Variants in SPATS2 observed in about 807,000 individuals in gnomAD.
The protein encoded by SPATS2 is spermatogenesis associated serine rich 2.
In SPATS2, 38 loss-of-function variants were observed where a neutral mutation model predicts 63.7. The ratio of observed to expected loss-of-function variants is 0.60; its 90% CI spans 0.46 to 0.78. The LOEUF is 0.78. Ranked by LOEUF, SPATS2 falls within the 30% of genes least tolerant of loss-of-function variation. The probability of loss-of-function intolerance (pLI) is 0.00; values close to 1 mark genes in which losing one functional copy is unlikely to be tolerated. For synonymous variants in SPATS2, 207 were observed against 232.9 expected (o/e 0.89, Z 1.01); for missense variants, 588 against 666.2 (o/e 0.88, Z 1.29).
intron 10 of SPATS2, among the ~76,000 whole-genome samples, chr12:49,518,093 C>T (rs557548364): frequency 2.6e-5 from 4 of 152,266 alleles, no homozygotes; most frequent in African/African-American, 4.8e-5. Context: ...AGGATGGGGT[C>T]TCATAAATTA....
intron 2 of SPATS2, among the ~76,000 whole-genome samples, chr12:49,428,892 G>A (rs1405480893): frequency 6.6e-6 from 1 of 152,114 alleles, no homozygotes; most frequent in Non-Finnish European, 1.5e-5. Context: ...TGTGTAAGGG[G>A]GTGGTAATAA....
chr12:49,474,879 G>A (rs1328380063), intron 3 of SPATS2, among the ~76,000 whole-genome samples: 1 of 152,170 alleles, frequency 6.6e-6, no homozygotes, highest in Non-Finnish European at 1.5e-5. Flanking sequence ...ACGTGACTGG[G>A]GAGGCCTCAC....
chr12:49,457,471 T>C (rs1304012011), intron 2 of SPATS2, among the ~76,000 whole-genome samples: 5 of 152,040 alleles, frequency 3.3e-5, no homozygotes, highest in Non-Finnish European at 5.9e-5. Flanking sequence ...TTTGCTCTTG[T>C]TGCCCAGGCT....
intron 4 of SPATS2, 34 bp from the exon 5 acceptor site, chr12:49,489,431 T>A: frequency 6.4e-7 from 1 of 1,570,348 alleles, no homozygotes; most frequent in Non-Finnish European, 8.8e-7. Context: ...GACCTACTAA[T>A]GTTAGAATTA....
chr12:49,411,900 C>T (rs1297439771), intron 2 of SPATS2, among the ~76,000 whole-genome samples: 1 of 152,136 alleles, frequency 6.6e-6, no homozygotes, highest in Non-Finnish European at 1.5e-5. Flanking sequence ...TTGGGCTTAA[C>T]CATGTTTATA....
intron 3 of SPATS2, among the ~76,000 whole-genome samples, chr12:49,481,682 C>G (rs938282616): frequency 2.0e-5 from 3 of 151,708 alleles, no homozygotes; most frequent in African/African-American, 7.3e-5. Flanking sequence ...TTGCTGATCT[C>G]GAACTCCTTA....
chr12:49,398,157 A>G (rs1290090407), intron 2 of SPATS2, among the ~76,000 whole-genome samples: 2 of 147,560 alleles, frequency 1.4e-5, no homozygotes, highest in Non-Finnish European at 3.0e-5. Flanking sequence ...AAAAAAAAAA[A>G]AAAGAAAAGA....
chr12:49,460,896 TGC>T lies in SPATS2; in HGVS notation c.-116_-115del. 9.3e-7 allele frequency: 1 copy of T among 1,072,750 alleles called. No individual in the cohort carries two copies. The highest frequency in any genetic ancestry group is 1.4e-6 in the Non-Finnish European group (1 of 729,744). The allele number at this position is 1,072,750 out of a possible 1,614,324, so 66.5% of individuals were successfully genotyped here. On this transcript the variant is annotated 5_prime_UTR_variant, in exon 3 of 14. It introduces an in-frame stop codon into an upstream open reading frame of the 5' UTR. Coordinates refer to ENST00000552918, the MANE Select transcript of SPATS2 (RefSeq NM_023071.4). ...TCGAACAGCAGGATTTCGTATTTTTTGCTTCCAACTGCACACTTCCGTTGCCC... is the reference window on the plus strand; with the variant it reads ...TCGAACAGCAGGATTTCGTATTTTTTTTCCAACTGCACACTTCCGTTGCCC...
At chr12:49,376,003 T>C (rs1242055178) in intron 2 of SPATS2, among the ~76,000 whole-genome samples, 1 of 151,274 alleles carries the variant, frequency 6.6e-6, no homozygotes, top group Non-Finnish European at 1.5e-5. Context: ...GGGTCCAGGC[T>C]GGTCTCAAAC....
In SPATS2 at chr12:49,526,144, G is replaced by A. The variant is rs949989981; in HGVS notation, c.1527G>A (p.Gly509=). The change falls in exon 14 of 14, where the codon GGG becomes GGA. Residue 509 remains glycine, a synonymous_variant. Transcript: ENST00000552918. ...AAAGAGGCCAGACTCACTCTGCAGGGACCAATGGAACTGGAGTCAGCATGG... is the reference window on the plus strand; with the variant it reads ...AAAGAGGCCAGACTCACTCTGCAGGAACCAATGGAACTGGAGTCAGCATGG... ...TIERGQTHSA[G]TNGTGVSMEP... The A allele has an allele frequency of 4.3e-6, 7 of 1,614,180 alleles. No homozygotes were observed. Among genetic ancestry groups the A allele is most frequent in the South Asian group, 3.3e-5 (3 of 91,084 alleles).
chr12:49,372,991 T>A lies in SPATS2; in HGVS notation c.-244+1701T>A, dbSNP rs796770007. ...GTGTGTGTGTGTGTGTGTGTGTGTG[T>A]GATGGAGTTTTGCTTTTGTCGCCCA... On this transcript the variant is annotated intron_variant, in intron 2 of 13. Coordinates refer to ENST00000552918, the MANE Select transcript of SPATS2 (RefSeq NM_023071.4). Among the ~76,000 whole-genome samples, 530 of 124,884 alleles carry A rather than the reference T, an allele frequency of 4.2e-3. 3 individuals are homozygous for A. Among genetic ancestry groups the A allele is most frequent in the African/African-American group, 7.9e-3 (238 of 30,274 alleles). The allele number at this position is 124,884 out of a possible 152,430, so 81.9% of individuals were successfully genotyped here.
chr12:49,450,491 G>A (rs943099461), intron 2 of SPATS2, among the ~76,000 whole-genome samples: 1 of 151,874 alleles, frequency 6.6e-6, no homozygotes. Flanking sequence ...TGATCCGCCC[G>A]CCTCGGCCTC....
chr12:49,424,281 C>T (rs1945034858), intron 2 of SPATS2, among the ~76,000 whole-genome samples: 1 of 152,130 alleles, frequency 6.6e-6, no homozygotes. Context: ...GACCTTTGTT[C>T]CTCAGCCCCA....
chr12:49,389,948 T>C (rs1485191894), intron 2 of SPATS2: 6 of 803,428 alleles, frequency 7.5e-6, no homozygotes, highest in Admixed American at 3.4e-5. Context: ...AAATGAAATA[T>C]GGCAGCAGTA....
chr12:49,475,009 A>G (rs148281994), intron 3 of SPATS2, among the ~76,000 whole-genome samples: 1 of 152,322 alleles, frequency 6.6e-6, no homozygotes, highest in African/African-American at 2.4e-5. Flanking sequence ...TCACTGTCAC[A>G]AGAGCAGCAC....
intron 2 of SPATS2, among the ~76,000 whole-genome samples, chr12:49,418,706 G>A (rs571785959): frequency 2.2e-4 from 34 of 152,230 alleles, no homozygotes; most frequent in African/African-American, 7.5e-4. Context: ...CTCCCAAAGC[G>A]TTGGGATTAC....
At chr12:49,424,150 C>T (rs1945031707) in intron 2 of SPATS2, among the ~76,000 whole-genome samples, 1 of 152,152 alleles carries the variant, frequency 6.6e-6, no homozygotes, top group Non-Finnish European at 1.5e-5. Flanking sequence ...TTGCAGTGAG[C>T]TGAGATCCTG....
In SPATS2 at chr12:49,418,934, C is replaced by G. The variant is rs571452088; in HGVS notation, c.-243-41836C>G. Among the ~76,000 whole-genome samples the G allele has an allele frequency of 1.1e-3, 170 of 152,282 alleles. 2 individuals are homozygous for G. The South Asian group carries it at 0.018, about 16-fold the overall frequency. On this transcript the variant is annotated intron_variant, in intron 2 of 13. Coordinates refer to ENST00000552918, the MANE Select transcript of SPATS2 (RefSeq NM_023071.4). ...TCTTGAACTAGTGTAAATCAGAAGA[C>G]TTCACTACAGTTCCTTAACTTCAGT... is the stretch of plus-strand genomic sequence containing the variant.
At chr12:49,397,303 A>C (rs1157131345) in intron 2 of SPATS2, among the ~76,000 whole-genome samples, 2 of 152,146 alleles carry the variant, frequency 1.3e-5, no homozygotes, top group Non-Finnish European at 2.9e-5. Context: ...ATTAGAATGT[A>C]AACTGTCTGA....
Sources: gnomAD v4.1 joint callset for allele counts (sites outside exome capture counted in the v4.1 genomes callset) on GRCh38, gnomAD v4.1.1 for gene constraint, MANE v1.5 for transcripts, NCBI Gene and HGNC (gene_info 2026-07-23, HGNC 2026-07-21) for gene names.